The following CDC14A variants were observed in gnomAD, a reference collection of about 807,000 sequenced individuals.
CDC14A encodes the protein cell division cycle 14A.
A neutral mutation model predicts 74.4 loss-of-function variants in CDC14A; 53 were observed. That is an observed-to-expected ratio of 0.71 (90% CI 0.57 to 0.89). The LOEUF (loss-of-function observed/expected upper bound fraction) is 0.89. Ranked by LOEUF, CDC14A falls within the 40% of genes least tolerant of loss-of-function variation. CDC14A has a pLI of 0.00. For synonymous variants in CDC14A, 247 were observed against 258.4 expected (o/e 0.96, Z 0.43); for missense variants, 646 against 713.7 (o/e 0.91, Z 1.08).
intron 7 of CDC14A, among the ~76,000 whole-genome samples, chr1:100,451,158 A>G (rs577709601): frequency 6.6e-6 from 1 of 152,268 alleles, no homozygotes; most frequent in Non-Finnish European, 1.5e-5. Flanking sequence ...CCAAGTTTCA[A>G]CAACTATGTT....
chr1:100,425,938 A>G (rs1377460108), intron 5 of CDC14A, among the ~76,000 whole-genome samples: 1 of 152,202 alleles, frequency 6.6e-6, no homozygotes, highest in Non-Finnish European at 1.5e-5. Context: ...TGTCTGTAGT[A>G]AATAAGTATC....
intron 4 of CDC14A, among the ~76,000 whole-genome samples, chr1:100,414,578 A>G (rs572371266): frequency 2.0e-5 from 3 of 152,238 alleles, no homozygotes; most frequent in Non-Finnish European, 4.4e-5. Context: ...TCATTTGGAA[A>G]GTTTTATGAA....
chr1:100,462,857 G>T lies in CDC14A; in HGVS notation c.814G>T (p.Gly272Trp). The change falls in exon 9 of 16, where the codon GGG becomes TGG. Residue 272 changes from glycine (G) to tryptophan (W), a missense_variant. By Grantham distance (184) the Gly-to-Trp change is radical. Coordinates refer to ENST00000336454, the MANE Select transcript of CDC14A (RefSeq NM_003672.4). ...CCTGAACATCTGTGAGAACACCGAA[G>T]GGGCCATCGCCGTTCACTGCAAAGG... The part of the protein sequence containing the change: ...RFLNICENTE[G>W]AIAVHCKAGL... The T allele has an allele frequency of 6.2e-7, 1 of 1,613,924 alleles. No individual in the cohort carries two copies. Among genetic ancestry groups the T allele is most frequent in the Non-Finnish European group, 8.5e-7 (1 of 1,179,918 alleles).
At chr1:100,435,722 G>A (rs1273398336) in intron 5 of CDC14A, among the ~76,000 whole-genome samples, 1 of 151,510 alleles carries the variant, frequency 6.6e-6, no homozygotes, top group Non-Finnish European at 1.5e-5. Flanking sequence ...CCAGCTACCC[G>A]GGAGGGTGAG....
intron 3 of CDC14A, among the ~76,000 whole-genome samples, chr1:100,379,489 G>A (rs1273688049): frequency 6.6e-6 from 1 of 152,164 alleles, no homozygotes; most frequent in South Asian, 2.1e-4. Flanking sequence ...TCTCAATGAA[G>A]CATACTACAT....
intron 4 of CDC14A, among the ~76,000 whole-genome samples, chr1:100,396,205 G>T (rs548980956): frequency 6.6e-6 from 1 of 152,332 alleles, no homozygotes; most frequent in South Asian, 2.1e-4. Flanking sequence ...GGTCCTGGAG[G>T]CTTCTTGCTT....
Position 100,498,985 on chromosome 1 carries a change from A to G in CDC14A, c.1478A>G (p.Asp493Gly), listed in dbSNP as rs2101441792. 6.2e-7 allele frequency: 1 copy of G among 1,614,152 alleles called. No homozygotes were observed. The highest frequency in any genetic ancestry group is 2.2e-5 in the East Asian group (1 of 44,862). The change falls in exon 15 of 16, where the codon GAT (aspartate) becomes GGT (glycine). Residue 493 changes from aspartate (D) to glycine (G), a missense_variant. Physicochemically the swap from Asp to Gly is moderately conservative, Grantham distance 94 (BLOSUM62 -1). Transcript: ENST00000336454. ...CTAGGGAACTTGAATGCTGCAACAG[A>G]TGATCCAGAGAACAAAAAGACCTCC... Reference protein sequence around the residue: ...SSLGNLNAATDDPENKKTSSS... With the variant: ...SSLGNLNAATGDPENKKTSSS...
rs370426785 is a variant in CDC14A at position 100,389,727 on chromosome 1, G to A, written c.217-1005G>A. Reference sequence around the variant, plus strand: ...GGTTCTAAAAGCAGGGATTTTCTGTGTGTTGTAGTCAATGTATAAGATAGA... The same window carrying A: ...GGTTCTAAAAGCAGGGATTTTCTGTATGTTGTAGTCAATGTATAAGATAGA... On this transcript the variant is annotated intron_variant, in intron 3 of 15. Coordinates refer to ENST00000336454, the MANE Select transcript of CDC14A (RefSeq NM_003672.4). 1.8e-4 allele frequency among the ~76,000 whole-genome samples: 27 copies of A among 152,166 alleles called. 1 individual carries two copies. Among genetic ancestry groups the A allele is most frequent in the East Asian group, 1.7e-3 (9 of 5,180 alleles).
intron 5 of CDC14A, among the ~76,000 whole-genome samples, chr1:100,426,792 CTCTAAG>C (rs1663014635): frequency 6.6e-6 from 1 of 152,098 alleles, no homozygotes; most frequent in Non-Finnish European, 1.5e-5. Context: ...TTGAATGTAA[CTCTAAG>C]TTCTATCTTT....
At chr1:100,443,057 G>T in intron 7 of CDC14A, 61 bp downstream of exon 7, 1 of 1,121,542 alleles carries the variant, frequency 8.9e-7, no homozygotes, top group Non-Finnish European at 1.3e-6. Context: ...TTTTCCCCCT[G>T]TCACACTCAT....
intron 3 of CDC14A, among the ~76,000 whole-genome samples, chr1:100,387,371 C>T (rs886888781): frequency 6.6e-6 from 1 of 152,160 alleles, no homozygotes; most frequent in Non-Finnish European, 1.5e-5. Context: ...GATTTGACCT[C>T]GGAGATGCTG....
At chr1:100,472,905 A>T (rs932940408) in intron 10 of CDC14A, among the ~76,000 whole-genome samples, 1 of 151,816 alleles carries the variant, frequency 6.6e-6, no homozygotes, top group African/African-American at 2.4e-5. Context: ...TTTGTTCTCT[A>T]TTCTGTTCCA....
intron 9 of CDC14A, among the ~76,000 whole-genome samples, chr1:100,465,962 A>C (rs1020864232): frequency 8.5e-5 from 13 of 152,328 alleles, no homozygotes; most frequent in African/African-American, 3.1e-4. Flanking sequence ...AATTTTGTTA[A>C]AGTTTTTATA....
intron 11 of CDC14A, among the ~76,000 whole-genome samples, chr1:100,493,793 G>A (rs1359558530): frequency 6.6e-6 from 1 of 152,158 alleles, no homozygotes; most frequent in African/African-American, 2.4e-5. Context: ...AGATGTGATG[G>A]TGAGGTTTGA....
intron 15 of CDC14A, among the ~76,000 whole-genome samples, chr1:100,514,816 TAAG>T (rs917705841): frequency 3.3e-5 from 5 of 152,210 alleles, no homozygotes; most frequent in African/African-American, 4.8e-5. Context: ...TCTAATTTGT[TAAG>T]AAGTTCAGCT....
intron 3 of CDC14A, among the ~76,000 whole-genome samples, chr1:100,381,934 A>G (rs571355840): frequency 1.4e-4 from 21 of 152,304 alleles, no homozygotes; most frequent in African/African-American, 5.1e-4. Context: ...TAAACTGTGT[A>G]TGTTATTTAA....
At chr1:100,428,177 C>T (rs1204927501) in intron 5 of CDC14A, among the ~76,000 whole-genome samples, 3 of 152,096 alleles carry the variant, frequency 2.0e-5, no homozygotes, top group South Asian at 2.1e-4. Context: ...CTTTAACTGC[C>T]TATTCTTGAT....
At chr1:100,510,440 C>G (rs76548675) in intron 15 of CDC14A, among the ~76,000 whole-genome samples, 3,735 of 152,254 alleles carry the variant, frequency 0.025, 61 homozygotes, top group Middle Eastern at 0.085. Flanking sequence ...AATAAACCTT[C>G]TTATTGCTTA....
intron 15 of CDC14A, among the ~76,000 whole-genome samples, chr1:100,509,741 T>C (rs1050719121): frequency 2.6e-5 from 4 of 152,218 alleles, no homozygotes; most frequent in African/African-American, 7.2e-5. Flanking sequence ...CTCTCCTTGA[T>C]AGTGAATGTC....
Sources: allele counts gnomAD v4.1 joint callset (sites outside exome capture counted in the v4.1 genomes callset), GRCh38; gene constraint gnomAD v4.1.1; transcripts MANE v1.5; gene names NCBI Gene and HGNC (gene_info 2026-07-23, HGNC 2026-07-21).